UBE2W: variants seen among roughly 807,000 people sequenced by gnomAD.
UBE2W encodes the protein ubiquitin-conjugating enzyme E2 W.
In UBE2W, 18 loss-of-function variants were observed where a neutral mutation model predicts 27.2. That is an observed-to-expected ratio of 0.66 (90% CI 0.46 to 0.98). UBE2W has a LOEUF of 0.98. Ranked by LOEUF, UBE2W falls within the 50% of genes least tolerant of loss-of-function variation. UBE2W has a pLI of 0.00. For synonymous variants in UBE2W, 53 were observed against 57.2 expected, an observed-to-expected ratio of 0.93 and a Z score of 0.33; for missense variants, 90 against 180.2, an observed-to-expected ratio of 0.50 and a Z score of 2.87.
intron 1 of UBE2W, among the ~76,000 whole-genome samples, chr8:73,843,779 C>CA (rs11336925): frequency 7.3e-4 from 88 of 121,250 alleles, no homozygotes; most frequent in South Asian, 1.9e-3. Flanking sequence ...GTAGAGACAC[C>CA]AAAAAAAAAA....
At chr8:73,802,320 A>G (rs1808679915) in intron 5 of UBE2W, among the ~76,000 whole-genome samples, 1 of 152,210 alleles carries the variant, frequency 6.6e-6, no homozygotes, top group African/African-American at 2.4e-5. Flanking sequence ...ACTGTTTCAA[A>G]ATCTTAAACT....
chr8:73,833,740 GATT>G (rs1810189934), intron 1 of UBE2W: 1 of 152,132 alleles, frequency 6.6e-6, no homozygotes, highest in African/African-American at 2.4e-5. Context: ...TTGCATGCAA[GATT>G]ATAAAGGGTC....
chr8:73,822,567 G>C (rs1809659377), intron 3 of UBE2W, among the ~76,000 whole-genome samples: 1 of 123,528 alleles, frequency 8.1e-6, no homozygotes, highest in African/African-American at 3.0e-5. Context: ...CTTTGTATGG[G>C]AGCTCTGTTT....
chr8:73,846,674 T>G (rs1463332162), intron 1 of UBE2W, among the ~76,000 whole-genome samples: 1 of 152,142 alleles, frequency 6.6e-6, no homozygotes. Context: ...GATAAGAATA[T>G]GAGCACAAAA....
At chr8:73,780,302 G>A (rs952320056) in exon 5 of UBE2W, 2 of 276,570 alleles carry the variant, frequency 7.2e-6, no homozygotes, top group African/African-American at 4.4e-5. Flanking sequence ...TTCTCCCCAT[G>A]TGTCTGAGTC....
chr8:73,877,571 G>A (rs1199551969), intron 1 of UBE2W, among the ~76,000 whole-genome samples: 1 of 152,016 alleles, frequency 6.6e-6, no homozygotes, highest in Non-Finnish European at 1.5e-5. Context: ...AACACTTTTA[G>A]CAGAGTAAAG....
intron 1 of UBE2W, among the ~76,000 whole-genome samples, chr8:73,871,667 A>G (rs1000162161): frequency 2.6e-5 from 4 of 152,236 alleles, no homozygotes; most frequent in African/African-American, 7.2e-5. Context: ...CCTGACAAAC[A>G]TGAACAAGTA....
At position 73,878,860 on chromosome 8, in the gene UBE2W, C is replaced by A; in HGVS notation, c.-38G>T. ...CCCCCAAGACCGGCGAGGCCAGAGA[C>A]GCAGGGGGAGGAGCTGCCGTGCTCG... On this transcript the variant is annotated 5_prime_UTR_variant, in exon 1 of 6. Coordinates refer to ENST00000602593, the MANE Select transcript of UBE2W (RefSeq NM_018299.6). 1.9e-6 allele frequency: 3 copies of A among 1,545,908 alleles called. No homozygotes were observed. Among genetic ancestry groups the A allele is most frequent in the Non-Finnish European group, 2.6e-6 (3 of 1,143,958 alleles).
At chr8:73,822,602 CAAAAAAAAAA>C (rs67427702) in intron 3 of UBE2W, among the ~76,000 whole-genome samples, 28 of 51,228 alleles carry the variant, frequency 5.5e-4, no homozygotes, top group South Asian at 5.3e-3. Flanking sequence ...CTTGCAACTG[CAAAAAAAAAA>C]AAAAAAAAAA....
intron 5 of UBE2W, chr8:73,796,724 A>C (rs1485011428): frequency 2.2e-6 from 2 of 889,550 alleles, no homozygotes; most frequent in Non-Finnish European, 2.7e-6. Flanking sequence ...AGCAAACTTT[A>C]AGTATAGATA....
Position 73,791,708 on chromosome 8 carries a change from G to A in UBE2W, c.*2394C>T. On this transcript the variant is annotated 3_prime_UTR_variant, in exon 6 of 6. Coordinates refer to ENST00000602593, the MANE Select transcript of UBE2W (RefSeq NM_018299.6). ...CAATGATTCCTAAATTCAAGAGAGT[G>A]TTGTTAGCCTGATTATGAATTTTAA... The A allele has an allele frequency of 2.0e-6, 2 of 985,138 alleles. No homozygotes were observed. The highest frequency in any genetic ancestry group is 2.4e-6 in the Non-Finnish European group (2 of 829,728). 61.0% of individuals were successfully genotyped at this position (985,138 alleles called of 1,614,324 possible).
chr8:73,843,549 T>C (rs781194970), intron 1 of UBE2W, among the ~76,000 whole-genome samples: 1 of 151,998 alleles, frequency 6.6e-6, no homozygotes, highest in Non-Finnish European at 1.5e-5. Context: ...GGGGGAAAGA[T>C]TTCTTGAGCC....
Position 73,789,168 on chromosome 8 carries a change from C to G in UBE2W, c.*4934G>C. 2 of 984,884 alleles carry G rather than the reference C, an allele frequency of 2.0e-6. No homozygotes were observed. The highest frequency in any genetic ancestry group is 1.2e-6 in the Non-Finnish European group (1 of 829,842). 61.0% of individuals were successfully genotyped at this position (984,884 alleles called of 1,614,324 possible). ...CTCTAATGATAATGATGTACATAAA[C>G]CTGTCTTAAATCGGCAAACAGACGA... On this transcript the variant is annotated 3_prime_UTR_variant, in exon 6 of 6. Coordinates refer to ENST00000602593, the MANE Select transcript of UBE2W (RefSeq NM_018299.6).
At chr8:73,805,454 CA>C (rs1162712227) in intron 5 of UBE2W, among the ~76,000 whole-genome samples, 196 bp downstream of exon 5, 103 of 14,516 alleles carry the variant, frequency 7.1e-3, no homozygotes, top group South Asian at 0.021. Flanking sequence ...AACTCCATCT[CA>C]AAAAAAAAAA....
At chr8:73,854,449 A>G (rs1811203511) in intron 1 of UBE2W, among the ~76,000 whole-genome samples, 1 of 152,234 alleles carries the variant, frequency 6.6e-6, no homozygotes, top group African/African-American at 2.4e-5. Context: ...TCTCAAAGGA[A>G]TAAACATCTG....
chr8:73,868,366 G>A (rs1487033249), intron 1 of UBE2W, among the ~76,000 whole-genome samples: 3 of 152,174 alleles, frequency 2.0e-5, no homozygotes, highest in Non-Finnish European at 4.4e-5. Flanking sequence ...AAGGCTCCTG[G>A]GTTCATGACC....
Position 73,791,916 on chromosome 8 carries a change from A to G in UBE2W, c.*2186T>C. 4 of 985,010 alleles carry G rather than the reference A, an allele frequency of 4.1e-6. No individual in the cohort carries two copies. Among genetic ancestry groups the G allele is most frequent in the Non-Finnish European group, 2.4e-6 (2 of 829,516 alleles). 61.0% of individuals were successfully genotyped at this position (985,010 alleles called of 1,614,324 possible). A position where few individuals can be genotyped will look rare whatever the true frequency, so the allele number is the denominator to read the frequency against. On this transcript the variant is annotated 3_prime_UTR_variant, in exon 6 of 6. Coordinates refer to ENST00000602593, the MANE Select transcript of UBE2W (RefSeq NM_018299.6). ...TGTCATAAAAAACTCAATTGAGGCT[A>G]TATATGACCTATTACTCTATAGTAT...
At chr8:73,815,113 AC>A (rs1386931312) in intron 3 of UBE2W, among the ~76,000 whole-genome samples, 1 of 152,212 alleles carries the variant, frequency 6.6e-6, no homozygotes, top group Non-Finnish European at 1.5e-5. Context: ...ATGGTGACTC[AC>A]ACCTGTAATC....
At chr8:73,845,284 G>A (rs1199899437) in intron 1 of UBE2W, among the ~76,000 whole-genome samples, 1 of 152,232 alleles carries the variant, frequency 6.6e-6, no homozygotes, top group East Asian at 1.9e-4. Context: ...AGGAAATGTG[G>A]AGAAAAGAAA....
Sources: gnomAD v4.1 joint callset for allele counts (sites outside exome capture counted in the v4.1 genomes callset) on GRCh38, gnomAD v4.1.1 for gene constraint, MANE v1.5 for transcripts, NCBI Gene and HGNC (gene_info 2026-07-23, HGNC 2026-07-21) for gene names.